The following ARHGEF10L variants were observed in gnomAD, a reference collection of about 807,000 sequenced individuals.
ARHGEF10L encodes the protein Rho guanine nucleotide exchange factor 10 like.
A neutral mutation model predicts 141.2 loss-of-function variants in ARHGEF10L; 69 were observed. The ratio of observed to expected loss-of-function variants is 0.49; its 90% CI spans 0.40 to 0.60. The LOEUF (loss-of-function observed/expected upper bound fraction) is 0.60. Among genes scored for constraint, ARHGEF10L ranks in the 20% least tolerant of loss-of-function variants. The pLI is 0.00. For missense variants in ARHGEF10L, 1,482 were observed against 1,734.3 expected, an observed-to-expected ratio of 0.85 and a Z score of 2.58; for synonymous variants, 711 against 718.5, an observed-to-expected ratio of 0.99 and a Z score of 0.17.
chr1:17,632,992 G>C lies in ARHGEF10L; in HGVS notation c.1730+526G>C, dbSNP rs1314145325. ...GGCTGTGCCTGGGAGCCGGAGCCCTGGTGTGGGGTGAGGGTGAGGCTTTAG... is the reference window on the plus strand; with the variant it reads ...GGCTGTGCCTGGGAGCCGGAGCCCTCGTGTGGGGTGAGGGTGAGGCTTTAG... On this transcript the variant is annotated intron_variant, in intron 16 of 28. Coordinates refer to ENST00000361221, the MANE Select transcript of ARHGEF10L (RefSeq NM_018125.4). Among the ~76,000 whole-genome samples, 5 of 152,366 alleles carry C rather than the reference G, an allele frequency of 3.3e-5. No homozygotes were observed. The East Asian group carries it at 7.7e-4, about 24-fold the overall frequency.
chr1:17,639,613 C>T lies in ARHGEF10L; in HGVS notation c.2172-589C>T. On this transcript the variant is annotated intron_variant, in intron 20 of 28. Transcript: ENST00000361221. The surrounding 1 kb of genome is among the most constrained non-coding windows in gnomAD (Gnocchi z 4.3). ...TGCACCCTAGAGGCTTGTGACACTG[C>T]CCTGCCCACCTCCCAAAGGGCTGGG... The T allele has an allele frequency of 2.8e-6, 1 of 362,802 alleles. No individual in the cohort carries two copies. The highest frequency in any genetic ancestry group is 3.5e-5 in the Admixed American group (1 of 28,350). 22.5% of individuals were successfully genotyped at this position (362,802 alleles called of 1,614,324 possible). A position where few individuals can be genotyped will look rare whatever the true frequency, so the allele number is the denominator to read the frequency against.
In ARHGEF10L at chr1:17,619,441, A is replaced by G; in HGVS notation, c.938A>G (p.Gln313Arg). The G allele has an allele frequency of 6.3e-7, 1 of 1,580,612 alleles. No homozygotes were observed. Among genetic ancestry groups the G allele is most frequent in the Non-Finnish European group, 8.6e-7 (1 of 1,160,932 alleles). ...LGPMPEGLSP[Q>R]QVVRRHILGS... ...CCCATGCCAGAGGGCCTGAGCCCTC[A>G]GCAGGTCTGTGGGGGAGTGGGGCAG... The change falls in exon 10 of 29, where the codon CAG becomes CGG. Residue 313 changes from glutamine to arginine, a missense_variant. By Grantham distance (43) the Gln-to-Arg change is conservative (BLOSUM62 1). Transcript: ENST00000361221. This position sits in a 1 kb window ranked among gnomAD's most constrained non-coding sequence, Gnocchi z 5.0.
intron 19 of ARHGEF10L, 138 bp downstream of exon 19, chr1:17,638,141 A>C: frequency 1.3e-6 from 1 of 785,208 alleles, no homozygotes; most frequent in Non-Finnish European, 2.0e-6. Flanking sequence ...TCCTGTTGGC[A>C]ACTGTCGCTG....
rs1017345654 is a variant in ARHGEF10L at position 17,691,500 on chromosome 1, G to A, written c.3185-3658G>A. ...CCCTGGGGGTCTTGGAGAGGGAGGC[G>A]ATGAGGCTTGTGGAATGAAAAATTC... On this transcript the variant is annotated intron_variant, in intron 27 of 28. Coordinates refer to ENST00000361221, the MANE Select transcript of ARHGEF10L (RefSeq NM_018125.4). Among the ~76,000 whole-genome samples the A allele has an allele frequency of 6.6e-5, 10 of 152,058 alleles. No individual in the cohort carries two copies. In the South Asian group the frequency reaches 1.0e-3, roughly 16 times the overall value.
chr1:17,687,612 A>T lies in ARHGEF10L; in HGVS notation c.3049A>T (p.Thr1017Ser). ...GCACCAGGACGAGGCAGTGAGCGTG[A>T]CACACATGGTGAAGGCGGGCAGCGG... ...EAHQDEAVSV[T>S]HMVKAGSGVW... Residue 1017 changes from threonine (T) to serine (S), a missense_variant, in exon 27 of 29, where the codon ACA (threonine) becomes TCA (serine). Thr to Ser is a moderately conservative substitution (Grantham distance 58). This residue lies in a region of ARHGEF10L where 858 missense variants were observed against 966.3 expected (regional missense o/e 0.89). Coordinates refer to ENST00000361221, the MANE Select transcript of ARHGEF10L (RefSeq NM_018125.4). 6.2e-7 allele frequency: 1 copy of T among 1,613,084 alleles called. No homozygotes were observed. Among genetic ancestry groups the T allele is most frequent in the South Asian group, 1.1e-5 (1 of 91,082 alleles).
chr1:17,593,352 T>C (rs566599943), intron 4 of ARHGEF10L, among the ~76,000 whole-genome samples: 1 of 152,172 alleles, frequency 6.6e-6, no homozygotes, highest in African/African-American at 2.4e-5. Context: ...GATTTCCGTG[T>C]CTTCATCCCC....
intron 4 of ARHGEF10L, among the ~76,000 whole-genome samples, chr1:17,596,919 G>A (rs1239330014): frequency 1.3e-5 from 2 of 152,178 alleles, no homozygotes; most frequent in African/African-American, 4.8e-5. Context: ...GATGGGCGTG[G>A]TGGCACACGG....
chr1:17,576,388 C>T (rs922774591), intron 1 of ARHGEF10L, among the ~76,000 whole-genome samples: 2 of 152,050 alleles, frequency 1.3e-5, no homozygotes, highest in African/African-American at 2.4e-5. Context: ...GTGGTCCCGT[C>T]GCTGAGCCTA....
intron 15 of ARHGEF10L, 86 bp from the exon 16 acceptor site, chr1:17,632,235 T>A: frequency 6.4e-7 from 1 of 1,555,968 alleles, no homozygotes; most frequent in Non-Finnish European, 8.8e-7. Context: ...TCTCCCTTTC[T>A]GCACCATGGG....
the ARHGEF10L span, among the ~76,000 whole-genome samples, chr1:17,521,475 C>T: frequency 3.3e-5 from 5 of 152,190 alleles, no homozygotes; most frequent in Admixed American, 6.5e-5. Context: ...GGATTGCAGG[C>T]GTAGAGCTCG....
At chr1:17,598,771 CTCTT>C (rs1316432435) in intron 4 of ARHGEF10L, among the ~76,000 whole-genome samples, 2 of 151,622 alleles carry the variant, frequency 1.3e-5, no homozygotes, top group African/African-American at 4.8e-5. Flanking sequence ...CTCTCTCTCT[CTCTT>C]TTTTTTTTTT....
chr1:17,577,814 C>T (rs531924158), intron 1 of ARHGEF10L, among the ~76,000 whole-genome samples: 17 of 152,346 alleles, frequency 1.1e-4, no homozygotes, highest in African/African-American at 3.8e-4. Flanking sequence ...ATTTGCTTCT[C>T]TGAGCCTCTG....
At position 17,648,676 on chromosome 1, in the gene ARHGEF10L, G is replaced by C; in HGVS notation, c.2394+1G>C. The stretch of plus-strand genomic sequence containing the variant: ...CTCCTCCCGGGCACTCAGCCTGCAG[G>C]TGAGTGGAGCGGATCTTGCTGAGCC... On this transcript the variant is annotated splice_donor_variant, in intron 22 of 28. Transcript: ENST00000361221. LOFTEE classifies it high-confidence loss of function. 1 of 1,612,434 alleles carries C rather than the reference G, an allele frequency of 6.2e-7. No individual in the cohort carries two copies.
intron 15 of ARHGEF10L, among the ~76,000 whole-genome samples, chr1:17,631,931 G>A (rs1355262639): frequency 6.6e-6 from 1 of 152,224 alleles, no homozygotes; most frequent in African/African-American, 2.4e-5. Flanking sequence ...ACCTGCCCAA[G>A]GGCTTCACAG....
At chr1:17,667,453 G>A (rs1358575567) in intron 26 of ARHGEF10L, among the ~76,000 whole-genome samples, 3 of 152,320 alleles carry the variant, frequency 2.0e-5, no homozygotes, top group Admixed American at 1.3e-4. Flanking sequence ...AGTGGGGCCC[G>A]AGACAGGAAG....
chr1:17,522,027 G>A, the ARHGEF10L span, among the ~76,000 whole-genome samples: 1 of 152,170 alleles, frequency 6.6e-6, no homozygotes, highest in African/African-American at 2.4e-5. Flanking sequence ...CAGGACGGAC[G>A]GTTGTGTGCA....
At chr1:17,694,973 G>A in intron 27 of ARHGEF10L, 185 bp from the exon 28 acceptor site, 1 of 822,038 alleles carries the variant, frequency 1.2e-6, no homozygotes, top group South Asian at 1.4e-5. Context: ...TCAGCTGCAG[G>A]ACCTCGTGGC....
chr1:17,576,182 T>C (rs2078214762), intron 1 of ARHGEF10L, among the ~76,000 whole-genome samples: 1 of 151,958 alleles, frequency 6.6e-6, no homozygotes, highest in African/African-American at 2.4e-5. Context: ...TGGGAGATGG[T>C]CTTGGGGGGC....
At chr1:17,637,736 C>A (rs1409834110) in intron 18 of ARHGEF10L, 152 bp from the exon 19 acceptor site, 8 of 588,446 alleles carry the variant, frequency 1.4e-5, no homozygotes, top group Non-Finnish European at 2.1e-5. Flanking sequence ...GATCTCCTGA[C>A]CTCGTGATCT....
Sources: gnomAD v4.1 joint callset for allele counts (sites outside exome capture counted in the v4.1 genomes callset) on GRCh38, gnomAD v4.1.1 for gene constraint, gnomAD v4.1.1 regional missense constraint, Gnocchi (gnomAD v3.1) non-coding constraint, MANE v1.5 for transcripts, NCBI Gene and HGNC (gene_info 2026-07-23, HGNC 2026-07-21) for gene names.